The following PCDHGB2 variants were observed in gnomAD, a reference collection of about 807,000 sequenced individuals.
PCDHGB2 encodes protocadherin gamma subfamily B, 2.
A neutral mutation model predicts 59.3 loss-of-function variants in PCDHGB2; 55 were observed. The observed-to-expected ratio is 0.93, with a 90% CI of 0.75 to 1.16. PCDHGB2 has a LOEUF of 1.16. Ranked by LOEUF, PCDHGB2 falls within the 50% of genes most tolerant of loss-of-function variation. The pLI, the probability that PCDHGB2 is intolerant of heterozygous loss-of-function variation, is 0.00. For missense variants in PCDHGB2, 1,228 were observed against 1,198.5 expected (o/e 1.02, Z -0.36); for synonymous variants, 516 against 512.0 (o/e 1.01, Z -0.11).
chr5:141,484,715 G>A (rs576646182), intron 1 of PCDHGB2, among the ~76,000 whole-genome samples: 1 of 152,130 alleles, frequency 6.6e-6, no homozygotes, highest in African/African-American at 2.4e-5. Context: ...CCGCCGAAAA[G>A]GGGCGGGGTC....
At chr5:141,428,313 C>T in intron 1 of PCDHGB2, 1 of 671,482 alleles carries the variant, frequency 1.5e-6, no homozygotes, top group Non-Finnish European at 2.6e-6. Context: ...TGGTCGTGGC[C>T]TTGGCCTTGA....
Position 141,476,642 on chromosome 5 carries a change from C to G in PCDHGB2, c.2422-18165C>G. 6.2e-7 allele frequency: 1 copy of G among 1,614,240 alleles called. No homozygotes were observed. The highest frequency in any genetic ancestry group is 8.5e-7 in the Non-Finnish European group (1 of 1,180,050). ...CTCTTTACAAACCTATGAGCTGAGC[C>G]GAAATGAATACTTTGCGCTTCGCGT... On this transcript the variant is annotated intron_variant, in intron 1 of 3. Transcript: ENST00000522605. This position sits in a 1 kb window ranked among gnomAD's most constrained non-coding sequence, Gnocchi z 7.6.
intron 1 of PCDHGB2, chr5:141,422,758 A>AAC (rs748292321): frequency 6.2e-7 from 1 of 1,613,150 alleles, no homozygotes. Flanking sequence ...TATTAACTCC[A>AAC]ACACTGGTGT....
chr5:141,360,186 G>A lies in PCDHGB2; in HGVS notation c.51G>A (p.Leu17=). The A allele has an allele frequency of 1.2e-6, 2 of 1,611,332 alleles. No individual in the cohort carries two copies. The highest frequency in any genetic ancestry group is 3.4e-5 in the Admixed American group (2 of 59,576). Residue 17 remains leucine (L), a synonymous_variant, in exon 1 of 4, where the codon CTG becomes CTA. Coordinates refer to ENST00000522605, the MANE Select transcript of PCDHGB2 (RefSeq NM_018923.3). ...RCGLVRWLQV[L]LPFLLSLFPG... is the part of the protein sequence containing the mutation. ...GGCTGGTGCGGTGGCTGCAGGTACT[G>A]TTGCCCTTCCTGTTGTCTTTGTTCC...
In PCDHGB2 at chr5:141,374,203, G is replaced by T. The variant is rs375029709; in HGVS notation, c.2421+11647G>T. On this transcript the variant is annotated intron_variant, in intron 1 of 3. Transcript: ENST00000522605. ...GCTACTCTATTCCCGAGGAGCTGGA[G>T]AAAGGCTCCTTCGTAGGCAACATCG... 4.3e-6 allele frequency: 7 copies of T among 1,613,808 alleles called. No homozygotes were observed. The East Asian group carries it at 1.1e-4, about 26-fold the overall frequency.
At chr5:141,488,239 G>A (rs576918071) in intron 1 of PCDHGB2, among the ~76,000 whole-genome samples, 3 of 152,222 alleles carry the variant, frequency 2.0e-5, no homozygotes, top group South Asian at 4.1e-4. Context: ...AACTAGATGC[G>A]GTAAATTGGA....
chr5:141,486,894 C>T lies in PCDHGB2; in HGVS notation c.2422-7913C>T. 1 of 1,614,228 alleles carries T rather than the reference C, an allele frequency of 6.2e-7. No homozygotes were observed. Among genetic ancestry groups the T allele is most frequent in the Non-Finnish European group, 8.5e-7 (1 of 1,180,052 alleles). On this transcript the variant is annotated intron_variant, in intron 1 of 3. Transcript: ENST00000522605. The surrounding 1 kb of genome is among the most constrained non-coding windows in gnomAD (Gnocchi z 5.0). ...CTCCGTCCTCGGGCCCGGCCTGGTT[C>T]CTTATGTCCCCAAGCACTGCCTCCA...
At chr5:141,479,740 C>T (rs1434967266) in intron 1 of PCDHGB2, 1 of 152,168 alleles carries the variant, frequency 6.6e-6, no homozygotes, top group Non-Finnish European at 1.5e-5. Context: ...AGTATATGCA[C>T]AATGTGAAAG....
intron 2 of PCDHGB2, among the ~76,000 whole-genome samples, chr5:141,500,359 C>T (rs2099799599): frequency 6.6e-6 from 1 of 152,032 alleles, no homozygotes; most frequent in Non-Finnish European, 1.5e-5. Flanking sequence ...CAGGCGCCCA[C>T]TACCACGCCC....
rs866710706 is a variant in PCDHGB2, at chr5:141,485,167, G to A, written c.2422-9640G>A. On this transcript the variant is annotated intron_variant, in intron 1 of 3. Transcript: ENST00000522605. The surrounding 1 kb of genome is among the most constrained non-coding windows in gnomAD (Gnocchi z 5.7). ...AGGAGCAAGTAGAGAATTAGCGGGC[G>A]GCAGCAATGCTCCGCAAGGTGAGAA... The A allele has an allele frequency of 6.2e-7, 1 of 1,608,386 alleles. No homozygotes were observed.
At chr5:141,450,627 C>T (rs947866993) in intron 1 of PCDHGB2, among the ~76,000 whole-genome samples, 13 of 151,592 alleles carry the variant, frequency 8.6e-5, no homozygotes, top group African/African-American at 3.2e-4. Context: ...GCTGGGATTA[C>T]AGATGCCTGC....
intron 1 of PCDHGB2, chr5:141,392,643 AAGAC>A: frequency 1.5e-6 from 1 of 663,020 alleles, no homozygotes; most frequent in Middle Eastern, 4.0e-4. Context: ...ACACCTCACG[AAGAC>A]CCGCAGATGC....
intron 1 of PCDHGB2, among the ~76,000 whole-genome samples, chr5:141,447,749 T>G (rs1462661604): frequency 6.6e-6 from 1 of 152,196 alleles, no homozygotes; most frequent in Non-Finnish European, 1.5e-5. Context: ...GAGTCTTGCA[T>G]GTGACTGTAT....
At chr5:141,379,885 G>A (rs1386862862) in intron 1 of PCDHGB2, among the ~76,000 whole-genome samples, 2 of 89,210 alleles carry the variant, frequency 2.2e-5, no homozygotes, top group African/African-American at 8.6e-5. Context: ...GTCTGTGAAA[G>A]CCTCTTTTTT....
At chr5:141,438,630 A>T (rs1232206839) in intron 1 of PCDHGB2, among the ~76,000 whole-genome samples, 1 of 38,920 alleles carries the variant, frequency 2.6e-5, no homozygotes, top group East Asian at 8.1e-4. Context: ...ATATATATAT[A>T]TATATACACA....
chr5:141,370,496 C>T, intron 1 of PCDHGB2: 1 of 1,613,970 alleles, frequency 6.2e-7, no homozygotes, highest in Non-Finnish European at 8.5e-7. Flanking sequence ...AACCGATCCG[C>T]TACGCTATTC....
At chr5:141,389,449 A>C in intron 1 of PCDHGB2, 2 of 1,610,538 alleles carry the variant, frequency 1.2e-6, no homozygotes, top group Non-Finnish European at 1.7e-6. Context: ...GACCACGAGC[A>C]GCTGCGCGCC....
At chr5:141,470,388 T>C (rs1234907080) in intron 1 of PCDHGB2, among the ~76,000 whole-genome samples, 4 of 152,198 alleles carry the variant, frequency 2.6e-5, no homozygotes, top group African/African-American at 9.6e-5. Flanking sequence ...TACTCGATGA[T>C]ATTTAGGATT....
At chr5:141,364,554 T>G in intron 1 of PCDHGB2, 1 of 1,614,122 alleles carries the variant, frequency 6.2e-7, no homozygotes. Flanking sequence ...ACGCAGCTTT[T>G]TGCCCTGAAC....
Sources: gnomAD v4.1 joint callset for allele counts (sites outside exome capture counted in the v4.1 genomes callset) on GRCh38, gnomAD v4.1.1 for gene constraint, Gnocchi (gnomAD v3.1) non-coding constraint, MANE v1.5 for transcripts, NCBI Gene and HGNC (gene_info 2026-07-23, HGNC 2026-07-21) for gene names.